Variants in CNTNAP2 observed in about 807,000 individuals in gnomAD.
CNTNAP2 encodes contactin associated protein 2, also known as contactin-associated protein-like 2.
In CNTNAP2, 98 loss-of-function variants were observed where a neutral mutation model predicts 155.2. The ratio of observed to expected loss-of-function variants is 0.63; its 90% CI spans 0.54 to 0.75. The LOEUF is 0.75. Ranked by LOEUF, CNTNAP2 falls within the 30% of genes least tolerant of loss-of-function variation. The probability of loss-of-function intolerance (pLI) is 0.00; values close to 1 mark genes in which losing one functional copy is unlikely to be tolerated. For synonymous variants in CNTNAP2, 651 were observed against 631.2 expected (o/e 1.03, Z -0.47); for missense variants, 1,727 against 1,688.1 (o/e 1.02, Z -0.40).
At chr7:147,462,793 T>C (rs1198140920) in intron 10 of CNTNAP2, among the ~76,000 whole-genome samples, 5 of 152,168 alleles carry the variant, frequency 3.3e-5, no homozygotes, top group East Asian at 1.9e-4. Context: ...TTGTTGGTTT[T>C]TTTGAGATGG....
intron 1 of CNTNAP2, among the ~76,000 whole-genome samples, chr7:146,503,875 C>T (rs1797342538): frequency 6.6e-6 from 1 of 152,094 alleles, no homozygotes; most frequent in Admixed American, 6.6e-5. Context: ...GGACAGGTGG[C>T]AGGTGGCTAA....
intron 3 of CNTNAP2, among the ~76,000 whole-genome samples, chr7:146,853,562 C>T (rs1286639025): frequency 6.6e-6 from 1 of 152,134 alleles, no homozygotes; most frequent in Non-Finnish European, 1.5e-5. Flanking sequence ...CAATAGTAAT[C>T]ACCATGCACT....
At chr7:146,663,581 A>G (rs1264430301) in intron 1 of CNTNAP2, among the ~76,000 whole-genome samples, 1 of 152,070 alleles carries the variant, frequency 6.6e-6, no homozygotes, top group East Asian at 1.9e-4. Flanking sequence ...TGCATTTTTA[A>G]GCCCACATAT....
At chr7:146,947,022 A>AATTT (rs952224561) in intron 3 of CNTNAP2, among the ~76,000 whole-genome samples, 26 of 151,944 alleles carry the variant, frequency 1.7e-4, no homozygotes, top group South Asian at 8.3e-4. Context: ...TAAAAATATC[A>AATTT]ATTTATTTAT....
intron 1 of CNTNAP2, among the ~76,000 whole-genome samples, chr7:146,439,442 A>T (rs1448163898): frequency 6.6e-6 from 1 of 151,432 alleles, no homozygotes; most frequent in Non-Finnish European, 1.5e-5. Context: ...AACTTGTTGG[A>T]CATTTTTTTG....
chr7:146,557,357 A>AT (rs985649864), intron 1 of CNTNAP2, among the ~76,000 whole-genome samples: 11 of 151,972 alleles, frequency 7.2e-5, no homozygotes, highest in African/African-American at 2.4e-4. Context: ...GCTAATGATC[A>AT]TTTTTTTGGT....
At chr7:146,258,714 C>T (rs925974968) in intron 1 of CNTNAP2, among the ~76,000 whole-genome samples, 23 of 152,164 alleles carry the variant, frequency 1.5e-4, no homozygotes, top group African/African-American at 5.3e-4. Context: ...TCCTGATTTA[C>T]GAATATAAAG....
rs115773329 is a variant in CNTNAP2, at chr7:148,243,589, G to A, written c.3381+13810G>A. ...GCAAGAGAGAGAGCGCTTGTGGAGG[G>A]GAATGCCTCTTTTTAAACCCGTCAG... On this transcript the variant is annotated intron_variant, in intron 20 of 23. Coordinates refer to ENST00000361727, the MANE Select transcript of CNTNAP2 (RefSeq NM_014141.6). Among the ~76,000 whole-genome samples the A allele has an allele frequency of 2.0e-3, 307 of 152,186 alleles. 3 individuals are homozygous for A. The highest frequency in any genetic ancestry group is 7.0e-3 in the African/African-American group (289 of 41,522).
At chr7:146,535,323 T>TA (rs1478023431) in intron 1 of CNTNAP2, among the ~76,000 whole-genome samples, 8 of 63,430 alleles carry the variant, frequency 1.3e-4, no homozygotes, top group Admixed American at 2.1e-4. Context: ...ATCATATATA[T>TA]TATATATTAT....
chr7:147,133,013 T>C (rs1801407587), intron 8 of CNTNAP2, among the ~76,000 whole-genome samples: 1 of 152,062 alleles, frequency 6.6e-6, no homozygotes, highest in South Asian at 2.1e-4. Context: ...CGAAAGTGAA[T>C]ATAAAGGTGG....
chr7:146,287,286 A>T (rs1480879388), intron 1 of CNTNAP2, among the ~76,000 whole-genome samples: 2 of 152,126 alleles, frequency 1.3e-5, no homozygotes, highest in African/African-American at 4.8e-5. Flanking sequence ...TCAATTTAAT[A>T]ATTTACACTG....
intron 1 of CNTNAP2, among the ~76,000 whole-genome samples, chr7:146,539,131 A>G (rs1021713192): frequency 1.3e-5 from 2 of 152,098 alleles, no homozygotes; most frequent in African/African-American, 4.8e-5. Context: ...TCCCTTTACT[A>G]TAGAAAAAGC....
chr7:146,504,662 A>T (rs115426234), intron 1 of CNTNAP2, among the ~76,000 whole-genome samples: 205 of 152,302 alleles, frequency 1.3e-3, no homozygotes, highest in African/African-American at 4.7e-3. Flanking sequence ...AGGTAGAGCC[A>T]CCAGGGGGCT....
chr7:146,207,453 A>G (rs774014218), intron 1 of CNTNAP2, among the ~76,000 whole-genome samples: 3 of 151,974 alleles, frequency 2.0e-5, no homozygotes, highest in Admixed American at 6.6e-5. Flanking sequence ...GGTTTCCATA[A>G]ATTTTATCTA....
intron 13 of CNTNAP2, among the ~76,000 whole-genome samples, chr7:147,806,481 G>A (rs1798094257): frequency 6.6e-6 from 1 of 152,096 alleles, no homozygotes; most frequent in South Asian, 2.1e-4. Context: ...ATATGATCCA[G>A]TAATCCCACT....
intron 2 of CNTNAP2, among the ~76,000 whole-genome samples, chr7:146,809,121 T>C (rs1803019796): frequency 6.6e-6 from 1 of 152,198 alleles, no homozygotes; most frequent in Admixed American, 6.5e-5. Context: ...GTTCTATTTT[T>C]AATTTTTTGA....
chr7:147,705,581 A>T (rs531810637), intron 13 of CNTNAP2, among the ~76,000 whole-genome samples: 2 of 152,178 alleles, frequency 1.3e-5, no homozygotes, highest in Non-Finnish European at 2.9e-5. Flanking sequence ...TCAAGTGTGC[A>T]GTTTAAATCC....
At chr7:146,947,234 C>T (rs1248220953) in intron 3 of CNTNAP2, among the ~76,000 whole-genome samples, 1 of 151,388 alleles carries the variant, frequency 6.6e-6, no homozygotes, top group African/African-American at 2.4e-5. Flanking sequence ...TTTGGTCATT[C>T]TGCTAAAGTG....
chr7:146,511,664 A>G (rs1304526028), intron 1 of CNTNAP2, among the ~76,000 whole-genome samples: 1 of 152,108 alleles, frequency 6.6e-6, no homozygotes, highest in Admixed American at 6.6e-5. Context: ...TTAATATGTT[A>G]TTGAATTATG....
Sources: gnomAD v4.1 joint callset for allele counts (sites outside exome capture counted in the v4.1 genomes callset) on GRCh38, gnomAD v4.1.1 for gene constraint, MANE v1.5 for transcripts, NCBI Gene and HGNC (gene_info 2026-07-23, HGNC 2026-07-21) for gene names.